PDLIM5: variants seen among roughly 807,000 people sequenced by gnomAD.
PDLIM5 encodes the protein PDZ and LIM domain 5, also known as PDZ and LIM domain protein 5.
PDLIM5 carries 34 observed loss-of-function variants against 64.2 expected under a neutral mutation model. That is an observed-to-expected ratio of 0.53 (90% CI 0.40 to 0.71). The LOEUF (loss-of-function observed/expected upper bound fraction) is 0.71. Among genes scored for constraint, PDLIM5 ranks in the 30% least tolerant of loss-of-function variants. PDLIM5 has a pLI of 0.00. For missense variants in PDLIM5, 683 were observed against 733.6 expected (o/e 0.93, Z 0.80); for synonymous variants, 253 against 269.1 (o/e 0.94, Z 0.59).
chr4:94,656,211 G>C (rs145006066), intron 10 of PDLIM5, among the ~76,000 whole-genome samples: 1 of 152,028 alleles, frequency 6.6e-6, no homozygotes, highest in Non-Finnish European at 1.5e-5. Flanking sequence ...TATAAGTAAT[G>C]TGTTTACAAA....
At chr4:94,520,446 A>C (rs1729735130) in intron 2 of PDLIM5, among the ~76,000 whole-genome samples, 1 of 152,206 alleles carries the variant, frequency 6.6e-6, no homozygotes, top group South Asian at 2.1e-4. Flanking sequence ...CAGACCTGAA[A>C]AACAGTGAAA....
At chr4:94,479,208 A>G (rs1725623947) in intron 2 of PDLIM5, among the ~76,000 whole-genome samples, 2 of 146,930 alleles carry the variant, frequency 1.4e-5, no homozygotes, top group African/African-American at 2.5e-5. Flanking sequence ...CCTGTTTTTC[A>G]TTTTGTAAAA....
chr4:94,591,096 A>G (rs1477364510), intron 7 of PDLIM5, among the ~76,000 whole-genome samples: 2 of 152,188 alleles, frequency 1.3e-5, no homozygotes, highest in East Asian at 3.8e-4. Flanking sequence ...GAAAATACGA[A>G]AACACTTTGG....
chr4:94,607,034 C>G (rs1438288029), intron 7 of PDLIM5, among the ~76,000 whole-genome samples: 1 of 152,208 alleles, frequency 6.6e-6, no homozygotes, highest in African/African-American at 2.4e-5. Context: ...GGTTTGCTGA[C>G]CCATGTTATG....
At chr4:94,633,430 A>G (rs922392885) in intron 8 of PDLIM5, among the ~76,000 whole-genome samples, 14 of 152,222 alleles carry the variant, frequency 9.2e-5, no homozygotes, top group Non-Finnish European at 1.6e-4. Context: ...CTAAATGCTG[A>G]AACTGTCCCA....
rs79268048 is a variant in PDLIM5 at position 94,594,145 on chromosome 4, C to T, written c.920+7701C>T. ...TATTGAAAGTAAAGTGAAACCATACCTAAGTCACTTGAAAGGGGAATTGTA... is the reference window on the plus strand; with the variant it reads ...TATTGAAAGTAAAGTGAAACCATACTTAAGTCACTTGAAAGGGGAATTGTA... On this transcript the variant is annotated intron_variant, in intron 7 of 12. Coordinates refer to ENST00000317968, the MANE Select transcript of PDLIM5 (RefSeq NM_006457.5). Among the ~76,000 whole-genome samples, 825 of 152,228 alleles carry T rather than the reference C, an allele frequency of 5.4e-3. 4 individuals are homozygous for T. The highest frequency in any genetic ancestry group is 0.019 in the African/African-American group (778 of 41,544).
intron 3 of PDLIM5, among the ~76,000 whole-genome samples, chr4:94,542,230 T>G (rs1731870190): frequency 6.6e-6 from 1 of 152,066 alleles, no homozygotes; most frequent in South Asian, 2.1e-4. Context: ...GAGAATTGCT[T>G]GAACCTGGGA....
At chr4:94,550,599 C>T (rs1732723793) in intron 3 of PDLIM5, among the ~76,000 whole-genome samples, 1 of 152,122 alleles carries the variant, frequency 6.6e-6, no homozygotes, top group Non-Finnish European at 1.5e-5. Flanking sequence ...GTTAGACACA[C>T]CACAGATTGA....
intron 3 of PDLIM5, among the ~76,000 whole-genome samples, chr4:94,547,891 A>G (rs1300409312): frequency 6.6e-6 from 1 of 152,162 alleles, no homozygotes; most frequent in Non-Finnish European, 1.5e-5. Context: ...GTCATTCAGG[A>G]CTACTGTTGA....
intron 3 of PDLIM5, among the ~76,000 whole-genome samples, chr4:94,547,788 ACTT>A (rs1732452676): frequency 6.6e-6 from 1 of 151,866 alleles, no homozygotes; most frequent in Non-Finnish European, 1.5e-5. Context: ...TCCTTTCTAG[ACTT>A]CTTCTCATGT....
Position 94,585,701 on chromosome 4 carries a change from T to C in PDLIM5, c.847T>C (p.Phe283Leu). The change falls in exon 6 of 13, where the codon TTC becomes CTC. Residue 283 changes from phenylalanine (F) to leucine (L), a missense_variant. Physicochemically the swap from Phe to Leu is conservative, Grantham distance 22 (BLOSUM62 0). Coordinates refer to ENST00000317968, the MANE Select transcript of PDLIM5 (RefSeq NM_006457.5). ...GACTGGAACAACTCAGTCTCGCTCT[T>C]TCCGAATCCTTGCCCAGATCACTGG... is the stretch of plus-strand genomic sequence containing the variant. Reference protein sequence around the residue: ...PRTGTTQSRSFRILAQITGTE... With the variant: ...PRTGTTQSRSLRILAQITGTE... 6.2e-7 allele frequency: 1 copy of C among 1,613,940 alleles called. No individual in the cohort carries two copies. The highest frequency in any genetic ancestry group is 8.5e-7 in the Non-Finnish European group (1 of 1,179,862).
chr4:94,477,582 A>G (rs1344884826), intron 2 of PDLIM5, among the ~76,000 whole-genome samples: 1 of 152,206 alleles, frequency 6.6e-6, no homozygotes, highest in Non-Finnish European at 1.5e-5. Flanking sequence ...ATTTTAAAGT[A>G]GTTTTTAAAA....
chr4:94,620,532 C>T (rs1049789488), intron 8 of PDLIM5, among the ~76,000 whole-genome samples: 1 of 151,022 alleles, frequency 6.6e-6, no homozygotes, highest in Non-Finnish European at 1.5e-5. Context: ...AGTGAGATAC[C>T]TTGTCTCCAA....
chr4:94,516,508 GTC>G (rs3838638), intron 2 of PDLIM5, among the ~76,000 whole-genome samples: 4,770 of 149,602 alleles, frequency 0.032, 145 homozygotes, highest in African/African-American at 0.077. Context: ...ATCCAAAGCA[GTC>G]TCTCTCTCTC....
At chr4:94,453,925 C>A (rs1350380766) in intron 1 of PDLIM5, among the ~76,000 whole-genome samples, 1 of 152,100 alleles carries the variant, frequency 6.6e-6, no homozygotes, top group East Asian at 1.9e-4. Context: ...GTTTCTGATA[C>A]AATTTTCTGT....
At chr4:94,614,348 C>G (rs1182605254) in intron 7 of PDLIM5, among the ~76,000 whole-genome samples, 1 of 152,062 alleles carries the variant, frequency 6.6e-6, no homozygotes, top group Non-Finnish European at 1.5e-5. Flanking sequence ...CTCCTGGGCT[C>G]AAGCAGTCCT....
chr4:94,594,204 C>T (rs909307073), intron 7 of PDLIM5, among the ~76,000 whole-genome samples: 1 of 152,098 alleles, frequency 6.6e-6, no homozygotes, highest in African/African-American at 2.4e-5. Flanking sequence ...CAAAAGTTGA[C>T]ACTTTTTTCT....
intron 2 of PDLIM5, 99 bp downstream of exon 2, chr4:94,455,483 TCA>T: frequency 2.5e-6 from 2 of 805,388 alleles, no homozygotes; most frequent in South Asian, 2.9e-5. Context: ...CTACTTATTA[TCA>T]TTGCTCCTGG....
At chr4:94,617,926 G>C in intron 7 of PDLIM5, 78 bp from the exon 8 acceptor site, 2 of 742,744 alleles carry the variant, frequency 2.7e-6, no homozygotes, top group Non-Finnish European at 4.1e-6. Flanking sequence ...ATTGATTAAT[G>C]GATTTTGAAA....
Sources: gnomAD v4.1 joint callset for allele counts (sites outside exome capture counted in the v4.1 genomes callset) on GRCh38, gnomAD v4.1.1 for gene constraint, MANE v1.5 for transcripts, NCBI Gene and HGNC (gene_info 2026-07-23, HGNC 2026-07-21) for gene names.